The following SUB1 variants were observed in gnomAD, a reference collection of about 807,000 sequenced individuals.
The protein encoded by SUB1 is SUB1 regulator of transcription.
A neutral mutation model predicts 16.9 loss-of-function variants in SUB1; 1 was observed. The ratio of observed to expected loss-of-function variants is 0.06; its 90% CI spans 0.02 to 0.28. The LOEUF is 0.28. SUB1 is among the 10% of genes least tolerant of loss of function. The pLI is 1.00. For synonymous variants in SUB1, 51 were observed against 46.9 expected, an observed-to-expected ratio of 1.09 and a Z score of -0.36; for missense variants, 84 against 145.2, an observed-to-expected ratio of 0.58 and a Z score of 2.16.
At chr5:32,595,568 G>T (rs996228648) in intron 3 of SUB1, 2 of 152,222 alleles carry the variant, frequency 1.3e-5, no homozygotes, top group African/African-American at 4.8e-5. Flanking sequence ...ACCTTGGGTG[G>T]ACATTGGGAT....
intron 4 of SUB1, among the ~76,000 whole-genome samples, chr5:32,600,159 T>C (rs1739080561): frequency 6.6e-6 from 1 of 152,192 alleles, no homozygotes; most frequent in Non-Finnish European, 1.5e-5. Context: ...GTCATACACT[T>C]AGTGAAAGTG....
At chr5:32,599,808 A>C (rs1233019941) in intron 4 of SUB1, among the ~76,000 whole-genome samples, 1 of 151,386 alleles carries the variant, frequency 6.6e-6, no homozygotes, top group African/African-American at 2.4e-5. Flanking sequence ...GGCCGATGCC[A>C]TATTTCTTGT....
In SUB1 at chr5:32,599,006, G is replaced by A. The variant is rs1368744345; in HGVS notation, c.241G>A (p.Val81Met). 1 of 1,613,492 alleles carries A rather than the reference G, an allele frequency of 6.2e-7. No homozygotes were observed. Among genetic ancestry groups the A allele is most frequent in the Non-Finnish European group, 8.5e-7 (1 of 1,179,854 alleles). The change falls in exon 4 of 5, where the codon GTG becomes ATG. Residue 81 changes from valine (V) to methionine (M), a missense_variant. Val to Met is a conservative substitution (Grantham distance 21). Around this residue, in one of 2 missense-constraint regions of SUB1, gnomAD observed 24 missense variants for 80.3 expected, o/e 0.30. Transcript: ENST00000265073. ...YVSVRDFKGK[V>M]LIDIREYWMD... is the part of the protein sequence containing the mutation. ...TAGTGTTCGCGATTTTAAAGGCAAAGTGCTAATTGATATTAGAGAATATTG... is the reference window on the plus strand; with the variant it reads ...TAGTGTTCGCGATTTTAAAGGCAAAATGCTAATTGATATTAGAGAATATTG...
At chr5:32,594,686 C>G (rs542293955) in intron 3 of SUB1, 1 of 435,114 alleles carries the variant, frequency 2.3e-6, no homozygotes, top group East Asian at 7.1e-5. Context: ...GCATTAGATT[C>G]TCATAGGAGC....
rs1380773232 is a variant in SUB1 at position 32,603,139 on chromosome 5, C to G, written c.*2055C>G. On this transcript the variant is annotated 3_prime_UTR_variant, in exon 5 of 5. Transcript: ENST00000265073. ...TGAAGCCTCCATATAAGGAGTGTTT[C>G]TCTGGCACAGTTGGTAAGTTGACTG... The G allele has an allele frequency of 1.3e-5, 2 of 152,082 alleles. No homozygotes were observed. Among genetic ancestry groups the G allele is most frequent in the African/African-American group, 2.4e-5 (1 of 41,416 alleles). The allele number at this position is 152,082 out of a possible 1,614,324, so 9.4% of individuals were successfully genotyped here. A position where few individuals can be genotyped will look rare whatever the true frequency, so the allele number is the denominator to read the frequency against.
In SUB1 at chr5:32,593,738, G is replaced by A. The variant is rs536424232; in HGVS notation, c.195+2053G>A. Among the ~76,000 whole-genome samples, 305 of 152,064 alleles carry A rather than the reference G, an allele frequency of 2.0e-3. 2 individuals carry two copies. The highest frequency in any genetic ancestry group is 5.0e-3 in the Admixed American group (76 of 15,284). On this transcript the variant is annotated intron_variant, in intron 3 of 4. Coordinates refer to ENST00000265073, the MANE Select transcript of SUB1 (RefSeq NM_006713.4). ...AGACGGAGTCTCGCTCTGTCACCAG[G>A]CTGGAGTGCAGTAGCACGAATCTCG...
chr5:32,590,877 C>G lies in SUB1; in HGVS notation c.73-686C>G, dbSNP rs575465349. Among the ~76,000 whole-genome samples, 10 of 148,836 alleles carry G rather than the reference C, an allele frequency of 6.7e-5. No individual in the cohort carries two copies. In the South Asian group the frequency reaches 1.9e-3, roughly 28 times the overall value. On this transcript the variant is annotated intron_variant, in intron 2 of 4. Coordinates refer to ENST00000265073, the MANE Select transcript of SUB1 (RefSeq NM_006713.4). Reference sequence around the variant, plus strand: ...CAGCCTCCTGGATTCAAGCAGTTCTCTGCCTCAGCCTCCCTAGTAGCTGGG... The same window carrying G: ...CAGCCTCCTGGATTCAAGCAGTTCTGTGCCTCAGCCTCCCTAGTAGCTGGG...
chr5:32,595,891 C>A (rs1225999107), intron 3 of SUB1: 1 of 151,960 alleles, frequency 6.6e-6, no homozygotes, highest in Non-Finnish European at 1.5e-5. Flanking sequence ...TTTCCATTTC[C>A]CTCATGTACA....
chr5:32,588,696 G>A, intron 2 of SUB1, 112 bp downstream of exon 2: 1 of 1,094,264 alleles, frequency 9.1e-7, no homozygotes, highest in Non-Finnish European at 1.3e-6. Flanking sequence ...ATCTAGCTGG[G>A]CGCGGTGGCT....
Position 32,591,739 on chromosome 5 carries a change from C to T in SUB1, c.195+54C>T, listed in dbSNP as rs573376566. The T allele has an allele frequency of 8.8e-5, 131 of 1,481,864 alleles. No homozygotes were observed. The South Asian group carries it at 1.6e-3, about 18-fold the overall frequency. The allele number at this position is 1,481,864 out of a possible 1,614,324, so 91.8% of individuals were successfully genotyped here. On this transcript the variant is annotated intron_variant, in intron 3 of 4. Coordinates refer to ENST00000265073, the MANE Select transcript of SUB1 (RefSeq NM_006713.4). ...TTTTTGACATGGAGTCATGCTCTGT[C>T]ACCCAGGCTGGAGTGCAGTGGCGCC...
Position 32,604,028 on chromosome 5 carries a change from T to C in SUB1, c.*2944T>C. ...CATCTTCCATGGAGATGTCTGAATA[T>C]AATACTCCATCTGTGAATATTTTAA... On this transcript the variant is annotated 3_prime_UTR_variant, in exon 5 of 5. Transcript: ENST00000265073. The C allele has an allele frequency of 6.6e-6, 1 of 152,188 alleles. No individual in the cohort carries two copies. Among genetic ancestry groups the C allele is most frequent in the Non-Finnish European group, 1.5e-5 (1 of 68,002 alleles). 9.4% of individuals were successfully genotyped at this position (152,188 alleles called of 1,614,324 possible).
intron 2 of SUB1, among the ~76,000 whole-genome samples, chr5:32,589,524 A>G (rs1738763437): frequency 6.6e-6 from 1 of 152,192 alleles, no homozygotes; most frequent in African/African-American, 2.4e-5. Context: ...TTAAATCAGC[A>G]CGCAGTAAAG....
chr5:32,591,466 C>G, intron 2 of SUB1, 97 bp from the exon 3 acceptor site: 1 of 1,422,772 alleles, frequency 7.0e-7, no homozygotes, highest in African/African-American at 1.5e-5. Context: ...TGGATGTAGT[C>G]TTTTGATTGT....
chr5:32,588,384 C>T (rs867729469), intron 1 of SUB1, 128 bp from the exon 2 acceptor site: 1 of 789,092 alleles, frequency 1.3e-6, no homozygotes, highest in Non-Finnish European at 2.0e-6. Flanking sequence ...TGTAACAACT[C>T]AGTACCACAA....
At chr5:32,596,475 C>CA (rs1484487518) in intron 3 of SUB1, 4 of 152,096 alleles carry the variant, frequency 2.6e-5, no homozygotes, top group Non-Finnish European at 5.9e-5. Flanking sequence ...ACCATGGCCA[C>CA]AAAAATTTTT....
intron 1 of SUB1, chr5:32,585,850 G>A (rs1320837563): frequency 2.0e-5 from 3 of 152,656 alleles, no homozygotes; most frequent in Admixed American, 2.0e-4. Context: ...TGTCCCCGGG[G>A]AGCCGAGTCG....
rs1297674500 is a variant in SUB1 at position 32,603,657 on chromosome 5, A to G, written c.*2573A>G. The G allele has an allele frequency of 1.3e-5, 2 of 152,234 alleles. No homozygotes were observed. Among genetic ancestry groups the G allele is most frequent in the African/African-American group, 2.4e-5 (1 of 41,478 alleles). The allele number at this position is 152,234 out of a possible 1,614,324, so 9.4% of individuals were successfully genotyped here. A position where few individuals can be genotyped will look rare whatever the true frequency, so the allele number is the denominator to read the frequency against. ...TCAAGATGCTGTGACGATCAAATCT[A>G]TTCTACATAATGCGTTTAGAAACAA... On this transcript the variant is annotated 3_prime_UTR_variant, in exon 5 of 5. Coordinates refer to ENST00000265073, the MANE Select transcript of SUB1 (RefSeq NM_006713.4).
chr5:32,598,569 T>A (rs1561037363), intron 3 of SUB1: 1 of 160,510 alleles, frequency 6.2e-6, no homozygotes, highest in Non-Finnish European at 1.4e-5. Context: ...TAATACTCCA[T>A]CTTTGTTTAC....
chr5:32,587,712 G>C (rs1197853409), intron 1 of SUB1, among the ~76,000 whole-genome samples: 1 of 151,952 alleles, frequency 6.6e-6, no homozygotes, highest in East Asian at 1.9e-4. Flanking sequence ...CGGTGTTGAA[G>C]CGATTCTCCT....
Sources: allele counts gnomAD v4.1 joint callset (sites outside exome capture counted in the v4.1 genomes callset), GRCh38; gene constraint gnomAD v4.1.1; regional missense constraint gnomAD v4.1.1; transcripts MANE v1.5; gene names NCBI Gene and HGNC (gene_info 2026-07-23, HGNC 2026-07-21).